Variants in ARNT2 observed in about 807,000 individuals in gnomAD.
ARNT2 encodes ARNT protein 2.
Under a neutral mutation model 91.7 loss-of-function variants are expected in ARNT2, and 36 were observed. The ratio of observed to expected loss-of-function variants is 0.39; its 90% CI spans 0.30 to 0.52. The LOEUF (loss-of-function observed/expected upper bound fraction) is 0.52. ARNT2 is among the 20% of genes least tolerant of loss of function. The pLI is 0.72. For synonymous variants in ARNT2, 365 were observed against 347.1 expected, an observed-to-expected ratio of 1.05 and a Z score of -0.57; for missense variants, 775 against 939.3, an observed-to-expected ratio of 0.83 and a Z score of 2.29.
At chr15:80,497,784 T>G (rs1432330747) in intron 5 of ARNT2, among the ~76,000 whole-genome samples, 1 of 152,126 alleles carries the variant, frequency 6.6e-6, no homozygotes, top group Non-Finnish European at 1.5e-5. Flanking sequence ...TAGAGCAGTG[T>G]TGCAGAGGAG....
At chr15:80,523,068 G>A (rs1329527664) in intron 8 of ARNT2, among the ~76,000 whole-genome samples, 1 of 152,082 alleles carries the variant, frequency 6.6e-6, no homozygotes, top group East Asian at 1.9e-4. Context: ...GTTTTAACCA[G>A]GTGCAATTCA....
Position 80,594,241 on chromosome 15 carries a change from C to A in ARNT2, c.*543C>A. 1 of 155,780 alleles carries A rather than the reference C, an allele frequency of 6.4e-6. No individual in the cohort carries two copies. The highest frequency in any genetic ancestry group is 1.4e-5 in the Non-Finnish European group (1 of 70,384). The allele number at this position is 155,780 out of a possible 1,614,324, so 9.6% of individuals were successfully genotyped here. On this transcript the variant is annotated 3_prime_UTR_variant, in exon 19 of 19. Coordinates refer to ENST00000303329, the MANE Select transcript of ARNT2 (RefSeq NM_014862.4). ...CTGCCCCTCAGCTCCGCTGGTCTGT[C>A]TGTGCATCCACTGTGCCGTGGGACA...
rs574228741 is a variant in ARNT2, at chr15:80,411,647, G to A, written c.31+7101G>A. ...CATCATTCTTCCCAGAAGAAGATTA[G>A]GTCAGAATTGAACAGTCGAATGTAT... On this transcript the variant is annotated intron_variant, in intron 1 of 18. Transcript: ENST00000303329. 3.0e-4 allele frequency among the ~76,000 whole-genome samples: 45 copies of A among 152,282 alleles called. No individual in the cohort carries two copies. In the South Asian group the frequency reaches 8.5e-3, roughly 29 times the overall value.
chr15:80,446,425 A>T (rs1407946161), intron 1 of ARNT2, among the ~76,000 whole-genome samples: 1 of 152,176 alleles, frequency 6.6e-6, no homozygotes, highest in African/African-American at 2.4e-5. Context: ...GTGACCCCAA[A>T]GCATGAACAT....
At chr15:80,574,316 A>G in intron 13 of ARNT2, 96 bp downstream of exon 13, 4 of 1,211,850 alleles carry the variant, frequency 3.3e-6, no homozygotes, top group Non-Finnish European at 4.9e-6. Flanking sequence ...CTCAACACAA[A>G]GGATTGCCCC....
chr15:80,560,971 A>T (rs1326406503), intron 11 of ARNT2, among the ~76,000 whole-genome samples: 1 of 152,178 alleles, frequency 6.6e-6, no homozygotes, highest in Non-Finnish European at 1.5e-5. Context: ...GGCTTCCCCT[A>T]GGGACAGTGT....
Position 80,581,391 on chromosome 15 carries a change from G to T in ARNT2, c.1905G>T (p.Arg635Ser), listed in dbSNP as rs373457108. The T allele has an allele frequency of 3.7e-6, 6 of 1,614,026 alleles. No individual in the cohort carries two copies. The highest frequency in any genetic ancestry group is 5.1e-6 in the Non-Finnish European group (6 of 1,180,022). ...ATGCCTACTCCAGTCTTGCCAACAG[G>T]ACTCCAGGGTTCGGTAGGTGGGGAA... is the stretch of plus-strand genomic sequence containing the variant. ...SGNAYSSLAN[R>S]TPGFAESGQS... The change falls in exon 17 of 19, where the codon AGG becomes AGT. Residue 635 changes from arginine (R) to serine (S), a missense_variant. Arg to Ser is a moderately radical substitution (Grantham distance 110, BLOSUM62 -1). Transcript: ENST00000303329.
intron 8 of ARNT2, among the ~76,000 whole-genome samples, chr15:80,534,059 C>G (rs1274649898): frequency 6.6e-6 from 1 of 152,250 alleles, no homozygotes; most frequent in Admixed American, 6.5e-5. Flanking sequence ...AAGGAAGATG[C>G]TTTTTCATTT....
chr15:80,565,535 A>AT (rs1359471966), intron 12 of ARNT2, among the ~76,000 whole-genome samples: 7 of 116,886 alleles, frequency 6.0e-5, no homozygotes, highest in South Asian at 6.6e-4. Flanking sequence ...TGTTTTTGTT[A>AT]TTGTTTTTTT....
intron 8 of ARNT2, among the ~76,000 whole-genome samples, chr15:80,521,757 A>G (rs1897550529): frequency 6.6e-6 from 1 of 152,182 alleles, no homozygotes; most frequent in South Asian, 2.1e-4. Flanking sequence ...AAATGAAAAA[A>G]TCATGAATTC....
At chr15:80,498,455 G>C (rs115433957) in intron 5 of ARNT2, among the ~76,000 whole-genome samples, 1,629 of 152,260 alleles carry the variant, frequency 0.011, 23 homozygotes, top group African/African-American at 0.036. Flanking sequence ...CCAAATCCAC[G>C]CACTAGGAGA....
At chr15:80,549,348 G>A (rs1284752492) in intron 8 of ARNT2, among the ~76,000 whole-genome samples, 1 of 152,128 alleles carries the variant, frequency 6.6e-6, no homozygotes, top group Non-Finnish European at 1.5e-5. Context: ...TCAGACTCCA[G>A]AGGTAAAAAA....
chr15:80,576,177 G>A (rs1898670763), intron 14 of ARNT2, among the ~76,000 whole-genome samples: 1 of 152,126 alleles, frequency 6.6e-6, no homozygotes. Flanking sequence ...CATCCTCTTC[G>A]CTGTTACCCT....
chr15:80,408,843 G>T (rs914362374), intron 1 of ARNT2, among the ~76,000 whole-genome samples: 1 of 152,146 alleles, frequency 6.6e-6, no homozygotes, highest in Non-Finnish European at 1.5e-5. Flanking sequence ...TGAAAAAAGA[G>T]ATTTATTTAT....
At chr15:80,452,255 C>T (rs1243762799) in intron 2 of ARNT2, among the ~76,000 whole-genome samples, 3 of 152,230 alleles carry the variant, frequency 2.0e-5, no homozygotes, top group Non-Finnish European at 4.4e-5. Flanking sequence ...TGCCAGCTTT[C>T]CCTGTATTCA....
At chr15:80,431,130 A>G (rs1419997164) in intron 1 of ARNT2, among the ~76,000 whole-genome samples, 2 of 152,032 alleles carry the variant, frequency 1.3e-5, no homozygotes, top group Non-Finnish European at 2.9e-5. Context: ...CCACCACCCC[A>G]TTCCCTCAAA....
At chr15:80,477,208 A>C (rs962186971) in intron 5 of ARNT2, among the ~76,000 whole-genome samples, 2 of 152,214 alleles carry the variant, frequency 1.3e-5, no homozygotes, top group Non-Finnish European at 2.9e-5. Flanking sequence ...TTCTTTGTGA[A>C]TTACCCAGTC....
chr15:80,449,875 C>T (rs1311984500), intron 1 of ARNT2, among the ~76,000 whole-genome samples: 1 of 152,160 alleles, frequency 6.6e-6, no homozygotes, highest in East Asian at 1.9e-4. Context: ...TATCCTGACC[C>T]ATCTTTTATA....
intron 12 of ARNT2, among the ~76,000 whole-genome samples, chr15:80,568,877 T>G (rs1898532624): frequency 6.6e-6 from 1 of 152,310 alleles, no homozygotes; most frequent in East Asian, 1.9e-4. Flanking sequence ...CTGCCTTCCA[T>G]CAGGCCCCTG....
Sources: gnomAD v4.1 joint callset for allele counts (sites outside exome capture counted in the v4.1 genomes callset) on GRCh38, gnomAD v4.1.1 for gene constraint, MANE v1.5 for transcripts, NCBI Gene and HGNC (gene_info 2026-07-23, HGNC 2026-07-21) for gene names.